Variants in SYNE1 observed in about 807,000 individuals in gnomAD.
The protein encoded by SYNE1 is nesprin-1.
Under a neutral mutation model 1,111.0 loss-of-function variants are expected in SYNE1, and 616 were observed. That is an observed-to-expected ratio of 0.55 (90% CI 0.52 to 0.59). The LOEUF is 0.59. SYNE1 is among the 20% of genes least tolerant of loss of function. The pLI is 0.00. For synonymous variants in SYNE1, 3,855 were observed against 3,825.8 expected (o/e 1.01, Z -0.28); for missense variants, 10,006 against 10,417.0 (o/e 0.96, Z 1.72).
At chr6:152,462,989 C>T (rs1356111064) in intron 19 of SYNE1, 99 bp from the exon 20 acceptor site, 47 of 1,413,542 alleles carry the variant, frequency 3.3e-5, no homozygotes, top group Non-Finnish European at 4.4e-5. Flanking sequence ...AATTGTTATC[C>T]GGTAAGAAAG....
At chr6:152,595,635 T>C (rs2099578884) in intron 3 of SYNE1, among the ~76,000 whole-genome samples, 1 of 152,202 alleles carries the variant, frequency 6.6e-6, no homozygotes, top group African/African-American at 2.4e-5. Flanking sequence ...CCAGAAACTA[T>C]ATATTCTTTC....
chr6:152,424,651 T>G (rs983708235), intron 39 of SYNE1, among the ~76,000 whole-genome samples: 2 of 152,194 alleles, frequency 1.3e-5, no homozygotes, highest in African/African-American at 4.8e-5. Flanking sequence ...ATTTGTTGAT[T>G]GATTGAATAC....
rs1586117306 is a variant in SYNE1 at position 152,145,486 on chromosome 6, C to T, written c.24977-1721G>A. 5 of 1,613,740 alleles carry T rather than the reference C, an allele frequency of 3.1e-6. No individual in the cohort carries two copies. The East Asian group carries it at 1.1e-4, about 36-fold the overall frequency. On this transcript the variant is annotated intron_variant, in intron 137 of 145. Transcript: ENST00000367255. ...GGCTGGCTCCGGCTTGTTGTGCCTA[C>T]CGGAGGTATTTTTGATTGCATTTTC... is the stretch of plus-strand genomic sequence containing the variant.
chr6:152,125,461 C>T, intron 145 of SYNE1: 1 of 1,339,464 alleles, frequency 7.5e-7, no homozygotes. Context: ...AAATTAGTCT[C>T]TCTGGCCTTC....
At chr6:152,357,047 C>T in intron 66 of SYNE1, among the ~76,000 whole-genome samples, 1 of 152,160 alleles carries the variant, frequency 6.6e-6, no homozygotes, top group East Asian at 1.9e-4. Context: ...ACCTGTGGAT[C>T]CTACTCTTTG....
chr6:152,156,181 C>T, intron 131 of SYNE1, 84 bp from the exon 132 acceptor site: 15 of 1,375,620 alleles, frequency 1.1e-5, no homozygotes, highest in Non-Finnish European at 1.6e-5. Context: ...TGGTAAATGG[C>T]TAGGCTACAC....
At chr6:152,388,663 A>C (rs1485000597) in intron 53 of SYNE1, among the ~76,000 whole-genome samples, 2 of 152,210 alleles carry the variant, frequency 1.3e-5, no homozygotes, top group African/African-American at 4.8e-5. Context: ...GAGTATTCCA[A>C]AATACATCCT....
intron 93 of SYNE1, among the ~76,000 whole-genome samples, chr6:152,298,226 A>T (rs1224207637): frequency 1.3e-5 from 2 of 152,328 alleles, no homozygotes; most frequent in East Asian, 3.9e-4. Context: ...GTATCAAGGG[A>T]CTTCCCAGGT....
In SYNE1 at chr6:152,326,331, G is replaced by A; in HGVS notation, c.15258C>T (p.Ser5086=). The change falls in exon 79 of 146, where the codon AGC becomes AGT. Residue 5086 remains serine, a synonymous_variant. Coordinates refer to ENST00000367255, the MANE Select transcript of SYNE1 (RefSeq NM_182961.4). The part of the protein sequence containing the change: ...ASLELRSQRM[S]RDSGAQVDLL... ...GATCCACTTGGGCACCAGAGTCCCG[G>A]CTCATCCTCTGGCTCCTGAGTTCCA... is the stretch of plus-strand genomic sequence containing the variant. The A allele has an allele frequency of 6.2e-7, 1 of 1,614,120 alleles. No homozygotes were observed. Among genetic ancestry groups the A allele is most frequent in the East Asian group, 2.2e-5 (1 of 44,896 alleles).
At chr6:152,224,112 T>A (rs2080897798) in intron 117 of SYNE1, among the ~76,000 whole-genome samples, 1 of 152,226 alleles carries the variant, frequency 6.6e-6, no homozygotes, top group East Asian at 1.9e-4. Flanking sequence ...TTGCCGTTTT[T>A]CTCTGTGTTT....
chr6:152,566,520 G>A (rs914974743), intron 3 of SYNE1, among the ~76,000 whole-genome samples: 2 of 152,014 alleles, frequency 1.3e-5, no homozygotes, highest in African/African-American at 4.8e-5. Context: ...GGCAATTTGA[G>A]TCCAATCCAC....
intron 49 of SYNE1, 137 bp from the exon 50 acceptor site, chr6:152,397,117 A>G: frequency 2.4e-6 from 2 of 826,088 alleles, no homozygotes; most frequent in Non-Finnish European, 4.0e-6. Flanking sequence ...GATGCATACA[A>G]TTGGGCACAA....
chr6:152,554,620 A>G (rs576873239), intron 3 of SYNE1, among the ~76,000 whole-genome samples: 26 of 152,278 alleles, frequency 1.7e-4, no homozygotes, highest in African/African-American at 4.8e-4. Context: ...ACTTGGTTGT[A>G]TATTTCTACC....
At position 152,311,900 on chromosome 6, in the gene SYNE1, C is replaced by T. The variant is rs548905114; in HGVS notation, c.16711-1027G>A. On this transcript the variant is annotated intron_variant, in intron 87 of 145. Transcript: ENST00000367255. ...ACACCATTCTCCTGCCTCAGCCCCCCGAGCAGCTGGGACTACACGCACCCA... is the reference window on the plus strand; with the variant it reads ...ACACCATTCTCCTGCCTCAGCCCCCTGAGCAGCTGGGACTACACGCACCCA... Among the ~76,000 whole-genome samples the T allele has an allele frequency of 5.1e-3, 783 of 152,212 alleles. 11 individuals are homozygous for T. Among genetic ancestry groups the T allele is most frequent in the African/African-American group, 0.018 (747 of 41,558 alleles).
chr6:152,324,558 G>A (rs1315207062), intron 81 of SYNE1, among the ~76,000 whole-genome samples: 1 of 152,192 alleles, frequency 6.6e-6, no homozygotes, highest in African/African-American at 2.4e-5. Context: ...CTTGGCGGGG[G>A]CTGAGGCGGG....
At position 152,515,899 on chromosome 6, in the gene SYNE1, A is replaced by G. The variant is rs890346201; in HGVS notation, c.309+4560T>C. On this transcript the variant is annotated intron_variant, in intron 6 of 145. Coordinates refer to ENST00000367255, the MANE Select transcript of SYNE1 (RefSeq NM_182961.4). ...CCTGCAAATAAGAGAAAAGCTAAGGACACTGTTAGGGTTTCCCCAGTAAAA... is the reference window on the plus strand; with the variant it reads ...CCTGCAAATAAGAGAAAAGCTAAGGGCACTGTTAGGGTTTCCCCAGTAAAA... Among the ~76,000 whole-genome samples, 3 of 152,230 alleles carry G rather than the reference A, an allele frequency of 2.0e-5. No homozygotes were observed. In the East Asian group the frequency reaches 5.8e-4, roughly 29 times the overall value.
At chr6:152,353,930 C>T (rs1418642602) in intron 67 of SYNE1, among the ~76,000 whole-genome samples, 186 bp from the exon 68 acceptor site, 2 of 152,126 alleles carry the variant, frequency 1.3e-5, no homozygotes, top group Admixed American at 1.3e-4. Flanking sequence ...ACAAACTGTA[C>T]ACTTGAGTTG....
At position 152,193,968 on chromosome 6, in the gene SYNE1, C is replaced by G. The variant is rs573279483; in HGVS notation, c.23146-4561G>C. 5.6e-3 allele frequency among the ~76,000 whole-genome samples: 841 copies of G among 151,272 alleles called. 3 individuals carry two copies. Among genetic ancestry groups the G allele is most frequent in the Non-Finnish European group, 9.8e-3 (664 of 67,790 alleles). On this transcript the variant is annotated intron_variant, in intron 127 of 145. Coordinates refer to ENST00000367255, the MANE Select transcript of SYNE1 (RefSeq NM_182961.4). Reference sequence around the variant, plus strand: ...GCAGAGCTTGCAGTGGGCCAAGATCCCGCCACTGCACTCCAGCCTGGGCAG... The same window carrying G: ...GCAGAGCTTGCAGTGGGCCAAGATCGCGCCACTGCACTCCAGCCTGGGCAG...
chr6:152,260,692 G>A (rs2091860606), intron 101 of SYNE1, among the ~76,000 whole-genome samples: 1 of 151,766 alleles, frequency 6.6e-6, no homozygotes. Flanking sequence ...TGGCACCAGG[G>A]GTTGGTTTCT....
Sources: gnomAD v4.1 joint callset for allele counts (sites outside exome capture counted in the v4.1 genomes callset) on GRCh38, gnomAD v4.1.1 for gene constraint, MANE v1.5 for transcripts, NCBI Gene and HGNC (gene_info 2026-07-23, HGNC 2026-07-21) for gene names.